GART: variants seen among roughly 807,000 people sequenced by gnomAD.
GART encodes trifunctional purine biosynthetic protein adenosine-3.
GART carries 43 observed loss-of-function variants against 107.2 expected under a neutral mutation model. That is an observed-to-expected ratio of 0.40 (90% CI 0.31 to 0.52). The LOEUF is 0.52. Ranked by LOEUF, GART falls within the 20% of genes least tolerant of loss-of-function variation. GART has a pLI of 0.52. For missense variants in GART, 1,107 were observed against 1,206.5 expected (o/e 0.92, Z 1.22); for synonymous variants, 434 against 427.0 (o/e 1.02, Z -0.20).
At position 33,528,542 on chromosome 21, in the gene GART, G is replaced by A. The variant is rs996778786; in HGVS notation, c.874C>T (p.Arg292Cys). 11 of 1,609,250 alleles carry A rather than the reference G, an allele frequency of 6.8e-6. No homozygotes were observed. The highest frequency in any genetic ancestry group is 4.4e-5 in the South Asian group (4 of 90,108). ...NGPKVLEFNC[R>C]FGDPECQVIL... ...ACTTGGCACTCTGGATCACCAAAAC[G>A]GCAATTAAACTCTAGAACTTTTGGG... Residue 292 changes from arginine (R) to cysteine (C), a missense_variant, in exon 9 of 22, where the codon CGT becomes TGT. Arg to Cys is a radical substitution (Grantham distance 180). Coordinates refer to ENST00000381815, the MANE Select transcript of GART (RefSeq NM_000819.5).
intron 18 of GART, among the ~76,000 whole-genome samples, chr21:33,506,792 A>G (rs1216660808): frequency 6.6e-6 from 1 of 152,182 alleles, no homozygotes; most frequent in East Asian, 1.9e-4. Flanking sequence ...AAAACACACA[A>G]ATTGCAAACA....
intron 14 of GART, 130 bp downstream of exon 14, chr21:33,520,233 CA>C (rs1452770768): frequency 1.4e-6 from 1 of 721,874 alleles, no homozygotes; most frequent in African/African-American, 1.8e-5. Flanking sequence ...TTCATTTGTG[CA>C]TATCACATAT....
At position 33,506,384 on chromosome 21, in the gene GART, T is replaced by C. The variant is rs1179269975; in HGVS notation, c.2453-280A>G. ...GTCTGGAACTCCTGACATCAGGTGA[T>C]CCGCCCACCTCGGCCTCCCAAATTT... is the stretch of plus-strand genomic sequence containing the variant. On this transcript the variant is annotated intron_variant, in intron 18 of 21. Transcript: ENST00000381815. Among the ~76,000 whole-genome samples, 5 of 152,254 alleles carry C rather than the reference T, an allele frequency of 3.3e-5. No individual in the cohort carries two copies. In the East Asian group the frequency reaches 9.6e-4, roughly 29 times the overall value.
chr21:33,530,694 T>C (rs2085168535), intron 7 of GART, 65 bp downstream of exon 7: 1 of 1,307,864 alleles, frequency 7.6e-7, no homozygotes, highest in Non-Finnish European at 9.9e-7. Flanking sequence ...ATAGAAAGTA[T>C]CATCTAAGAG....
Position 33,534,723 on chromosome 21 carries a change from A to G in GART, c.272T>C (p.Val91Ala). The G allele has an allele frequency of 6.2e-7, 1 of 1,601,926 alleles. No homozygotes were observed. ...GIVGNLRSAG[V>A]QCFGPTAEAA... ...TTCTGCTGTTGGGCCAAAGCATTGC[A>G]CTCCTGCAGACCTCAGGTTCCCAAC... Residue 91 changes from valine (V) to alanine (A), a missense_variant, in exon 4 of 22, where the codon GTG (valine) becomes GCG (alanine). Coordinates refer to ENST00000381815, the MANE Select transcript of GART (RefSeq NM_000819.5).
chr21:33,531,415 G>T, intron 6 of GART, 74 bp downstream of exon 6: 2 of 1,295,566 alleles, frequency 1.5e-6, no homozygotes, highest in Non-Finnish European at 2.2e-6. Flanking sequence ...AGTATATCAA[G>T]TCTTTTCTGG....
chr21:33,520,994 C>T lies in GART; in HGVS notation c.1415G>A (p.Gly472Asp). Reference sequence around the variant, plus strand: ...TTTTAAATCAAAAAGACCAGCAAAACCTCCAAGATCAACTTTACAGCCTGT... The same window carrying T: ...TTTTAAATCAAAAAGACCAGCAAAATCTCCAAGATCAACTTTACAGCCTGT... ...SRSGCKVDLG[G>D]FAGLFDLKAA... Residue 472 changes from glycine to aspartate, a missense_variant, in exon 13 of 22, where the codon GGT (glycine) becomes GAT (aspartate). By Grantham distance (94) the Gly-to-Asp change is moderately conservative. Coordinates refer to ENST00000381815, the MANE Select transcript of GART (RefSeq NM_000819.5). 6.2e-7 allele frequency: 1 copy of T among 1,613,898 alleles called. No individual in the cohort carries two copies. The highest frequency in any genetic ancestry group is 8.5e-7 in the Non-Finnish European group (1 of 1,179,892).
chr21:33,524,689 T>G, intron 11 of GART, 80 bp downstream of exon 11: 1 of 1,587,280 alleles, frequency 6.3e-7, no homozygotes, highest in South Asian at 1.2e-5. Context: ...GAATGACTTA[T>G]AGGGTTAATG....
intron 14 of GART, 82 bp downstream of exon 14, chr21:33,520,282 A>AT (rs2084947113): frequency 8.5e-7 from 1 of 1,182,162 alleles, no homozygotes; most frequent in African/African-American, 1.5e-5. Flanking sequence ...TGCTAGCTAC[A>AT]TTGGCACTGA....
chr21:33,504,168 G>A lies in GART; in HGVS notation c.2989C>T (p.Gln997Ter). The A allele has an allele frequency of 6.2e-7, 1 of 1,614,108 alleles. No homozygotes were observed. Among genetic ancestry groups the A allele is most frequent in the Non-Finnish European group, 8.5e-7 (1 of 1,180,012 alleles). Reference protein sequence around the residue: ...ALQLVASGTVQLGENGKICWV... With the variant: ...ALQLVASGTV ...CAGATCTTGCCATTTTCTCCAAGCT[G>A]TACAGTTCCACTGGCCACCAGCTGA... The change falls in exon 22 of 22, where the codon CAG (glutamine) becomes TAG (stop). Residue 997 changes from glutamine (Q) to a stop codon, truncating the protein, a stop_gained. Coordinates refer to ENST00000381815, the MANE Select transcript of GART (RefSeq NM_000819.5). LOFTEE classifies it high-confidence loss of function.
At chr21:33,519,830 T>C (rs990093102) in intron 14 of GART, among the ~76,000 whole-genome samples, 1 of 50,214 alleles carries the variant, frequency 2.0e-5, no homozygotes, top group Admixed American at 1.7e-4. Flanking sequence ...TCCCTTTTTT[T>C]TTTTTTTAAA....
At chr21:33,531,373 G>A (rs1221305034) in intron 6 of GART, 116 bp downstream of exon 6, 2 of 846,104 alleles carry the variant, frequency 2.4e-6, no homozygotes, top group Non-Finnish European at 3.8e-6. Context: ...CTTTGTAACT[G>A]CTGGGTTTAT....
At chr21:33,527,977 G>A (rs2085106010) in intron 10 of GART, among the ~76,000 whole-genome samples, 190 bp downstream of exon 10, 1 of 152,110 alleles carries the variant, frequency 6.6e-6, no homozygotes, top group African/African-American at 2.4e-5. Context: ...GGAAATCAAC[G>A]GTTCTCTGAA....
At chr21:33,537,872 C>T (rs1032618519) in intron 2 of GART, among the ~76,000 whole-genome samples, 1 of 152,126 alleles carries the variant, frequency 6.6e-6, no homozygotes, top group African/African-American at 2.4e-5. Flanking sequence ...TATTAGAATA[C>T]TGAGGAGTTT....
Position 33,535,081 on chromosome 21 carries a change from T to C in GART, c.241+144A>G, listed in dbSNP as rs79294857. The C allele has an allele frequency of 2.8e-3, 1,555 of 556,082 alleles. 21 individuals carry two copies. The highest frequency in any genetic ancestry group is 0.028 in the African/African-American group (1,420 of 50,876). 34.4% of individuals were successfully genotyped at this position (556,082 alleles called of 1,614,324 possible). A position where few individuals can be genotyped will look rare whatever the true frequency, so the allele number is the denominator to read the frequency against. The stretch of plus-strand genomic sequence containing the variant: ...TAACTGATGCTTGGGAAAAAAAATC[T>C]AGACTCCATAAATTTCGAGAGTGGA... On this transcript the variant is annotated intron_variant, in intron 3 of 21. Transcript: ENST00000381815.
At chr21:33,512,144 C>T (rs945201785) in intron 16 of GART, among the ~76,000 whole-genome samples, 2 of 151,536 alleles carry the variant, frequency 1.3e-5, no homozygotes, top group African/African-American at 2.4e-5. Flanking sequence ...ATTAGCTGGG[C>T]GTGGTGGCGC....
At chr21:33,518,664 T>G in intron 14 of GART, 1 of 430,242 alleles carries the variant, frequency 2.3e-6, no homozygotes, top group Non-Finnish European at 4.6e-6. Context: ...TCTTCAGAAG[T>G]TGACTCAATT....
intron 11 of GART, chr21:33,524,469 G>T: frequency 1.4e-6 from 1 of 699,168 alleles, no homozygotes; most frequent in Non-Finnish European, 1.8e-6. Flanking sequence ...GAGAACTTGG[G>T]CGAGAGAGGA....
At position 33,509,777 on chromosome 21, in the gene GART, T is replaced by C. The variant is rs376940404; in HGVS notation, c.2452+6A>G. ...GCTCTACAGTGAAGGGGAAGCCACA[T>C]CTCACCTGTTCCAGATATTAAGACA... is the stretch of plus-strand genomic sequence containing the variant. On this transcript the variant is annotated splice_donor_region_variant and intron_variant, in intron 18 of 21. Transcript: ENST00000381815. 1.5e-5 allele frequency: 24 copies of C among 1,612,718 alleles called. No individual in the cohort carries two copies. Among genetic ancestry groups the C allele is most frequent in the Non-Finnish European group, 1.9e-5 (22 of 1,179,690 alleles).
Sources: gnomAD v4.1 joint callset for allele counts (sites outside exome capture counted in the v4.1 genomes callset) on GRCh38, gnomAD v4.1.1 for gene constraint, MANE v1.5 for transcripts, NCBI Gene and HGNC (gene_info 2026-07-23, HGNC 2026-07-21) for gene names.